SEMA3D: variants seen among roughly 807,000 people sequenced by gnomAD.
SEMA3D encodes semaphorin 3D, also known as semaphorin-3D.
In SEMA3D, 84 loss-of-function variants were observed where a neutral mutation model predicts 100.1. That is an observed-to-expected ratio of 0.84 (90% CI 0.70 to 1.01). SEMA3D has a LOEUF of 1.01. Among genes scored for constraint, SEMA3D ranks in the 50% least tolerant of loss-of-function variants. The pLI is 0.00. For missense variants in SEMA3D, 875 were observed against 934.1 expected, an observed-to-expected ratio of 0.94 and a Z score of 0.82; for synonymous variants, 312 against 320.7, an observed-to-expected ratio of 0.97 and a Z score of 0.29.
intron 4 of SEMA3D, among the ~76,000 whole-genome samples, chr7:85,089,201 T>G (rs1356011171): frequency 1.3e-5 from 2 of 152,126 alleles, no homozygotes; most frequent in African/African-American, 4.8e-5. Context: ...AAACTTGCAG[T>G]AAACATTTCT....
chr7:85,176,756 A>ATGTG lies in SEMA3D; in HGVS notation c.-173+9918_-173+9921dup, dbSNP rs576728141. Among the ~76,000 whole-genome samples the ATGTG allele has an allele frequency of 4.6e-3, 673 of 147,028 alleles. 5 individuals carry two copies. Among genetic ancestry groups the ATGTG allele is most frequent in the African/African-American group, 0.016 (647 of 39,318 alleles). On this transcript the variant is annotated intron_variant, in intron 1 of 18. Transcript: ENST00000284136. ...ATAATGTGTAAAGTAACATGTATAT[A>ATGTG]TGTGTGTGTGTGTGTATTTGTATAC...
chr7:85,111,612 A>C (rs1299068658), intron 3 of SEMA3D, among the ~76,000 whole-genome samples: 1 of 151,900 alleles, frequency 6.6e-6, no homozygotes, highest in Admixed American at 6.6e-5. Context: ...TTGGCTCCCT[A>C]TTTCTCGATC....
chr7:85,204,357 A>T, the SEMA3D span, among the ~76,000 whole-genome samples: 1 of 151,492 alleles, frequency 6.6e-6, no homozygotes, highest in Non-Finnish European at 1.5e-5. Flanking sequence ...TAAAAAAAAA[A>T]AAAAGCACCA....
At chr7:85,101,020 G>A (rs980607521) in intron 3 of SEMA3D, among the ~76,000 whole-genome samples, 2 of 151,930 alleles carry the variant, frequency 1.3e-5, no homozygotes, top group Admixed American at 1.3e-4. Flanking sequence ...AGACCCAATG[G>A]TGTAATATAT....
chr7:85,121,760 T>C lies in SEMA3D; in HGVS notation c.132A>G (p.Arg44=). 6.3e-7 allele frequency: 1 copy of C among 1,591,014 alleles called. No homozygotes were observed. The highest frequency in any genetic ancestry group is 8.6e-7 in the Non-Finnish European group (1 of 1,165,892). ...VTGTLKQNIP[R]LKLTYKDLLL... ...ATTTACCTTTGTAGGTTAGCTTGAG[T>C]CTTGGAATATTTTGCTTCAAAGTGC... Residue 44 remains arginine, a synonymous_variant, in exon 3 of 19, where the codon AGA becomes AGG. Coordinates refer to ENST00000284136, the MANE Select transcript of SEMA3D (RefSeq NM_001384900.1).
intron 9 of SEMA3D, among the ~76,000 whole-genome samples, chr7:85,053,539 A>G (rs981455443): frequency 1.3e-5 from 2 of 152,100 alleles, no homozygotes; most frequent in East Asian, 3.9e-4. Flanking sequence ...ATCTTGTCAT[A>G]TTTTAAATAA....
chr7:85,099,482 G>A (rs1311390826), intron 3 of SEMA3D, among the ~76,000 whole-genome samples: 1 of 151,808 alleles, frequency 6.6e-6, no homozygotes, highest in African/African-American at 2.4e-5. Flanking sequence ...CTAATCTCAG[G>A]TATGTCTTTA....
intron 2 of SEMA3D, chr7:85,141,617 T>C (rs1790054189): frequency 2.0e-6 from 2 of 984,388 alleles, no homozygotes; most frequent in African/African-American, 3.5e-5. Flanking sequence ...AAATCATTTC[T>C]GGCACATATT....
intron 1 of SEMA3D, among the ~76,000 whole-genome samples, chr7:85,184,112 T>C (rs1791475120): frequency 6.6e-6 from 1 of 152,212 alleles, no homozygotes; most frequent in African/African-American, 2.4e-5. Flanking sequence ...TTTGATGTGG[T>C]TCATTCTCAT....
At chr7:85,066,219 A>G (rs1791615106) in intron 7 of SEMA3D, among the ~76,000 whole-genome samples, 1 of 152,124 alleles carries the variant, frequency 6.6e-6, no homozygotes, top group Admixed American at 6.6e-5. Context: ...GAAAGGAGCA[A>G]AAGAGAGAAG....
chr7:85,193,538 A>C, the SEMA3D span, among the ~76,000 whole-genome samples: 4 of 152,164 alleles, frequency 2.6e-5, no homozygotes, highest in Non-Finnish European at 5.9e-5. Flanking sequence ...TCAGAGCCTA[A>C]GTAACATGGG....
chr7:85,080,636 A>G (rs1455135080), intron 5 of SEMA3D, among the ~76,000 whole-genome samples: 4 of 152,166 alleles, frequency 2.6e-5, no homozygotes, highest in African/African-American at 4.8e-5. Flanking sequence ...TATTTTGCCA[A>G]AAAAAGGAGC....
intron 2 of SEMA3D, among the ~76,000 whole-genome samples, chr7:85,122,231 A>C (rs1459810452): frequency 4.0e-5 from 4 of 100,212 alleles, no homozygotes; most frequent in Non-Finnish European, 8.0e-5. Flanking sequence ...AACTTAAAGT[A>C]CAAAAAAAAA....
At chr7:85,213,225 A>G in the SEMA3D span, among the ~76,000 whole-genome samples, 1 of 151,978 alleles carries the variant, frequency 6.6e-6, no homozygotes, top group Non-Finnish European at 1.5e-5. Context: ...TAGTGTGCTT[A>G]ATTGATAAGC....
intron 3 of SEMA3D, among the ~76,000 whole-genome samples, chr7:85,105,988 C>T (rs1788908036): frequency 6.6e-6 from 1 of 151,960 alleles, no homozygotes; most frequent in African/African-American, 2.4e-5. Context: ...TTTATATAAT[C>T]CATCATTGTG....
intron 8 of SEMA3D, among the ~76,000 whole-genome samples, chr7:85,064,267 G>A (rs1362009561): frequency 6.6e-6 from 1 of 152,112 alleles, no homozygotes; most frequent in Non-Finnish European, 1.5e-5. Context: ...TTCTATAGGT[G>A]ACATTTAAGA....
At chr7:85,031,951 A>G (rs887326059) in intron 12 of SEMA3D, among the ~76,000 whole-genome samples, 1 of 151,960 alleles carries the variant, frequency 6.6e-6, no homozygotes, top group Non-Finnish European at 1.5e-5. Flanking sequence ...TTTAGGTGGG[A>G]CATTCGGCAG....
At chr7:85,246,049 A>G in the SEMA3D span, among the ~76,000 whole-genome samples, 1 of 152,088 alleles carries the variant, frequency 6.6e-6, no homozygotes, top group South Asian at 2.1e-4. Flanking sequence ...ATGTTAATGA[A>G]TATATTTATT....
the SEMA3D span, among the ~76,000 whole-genome samples, chr7:85,228,057 GA>G: frequency 6.6e-6 from 1 of 152,118 alleles, no homozygotes; most frequent in East Asian, 1.9e-4. Flanking sequence ...CAAAGTATAT[GA>G]CATTGGCCAA....
Sources: allele counts gnomAD v4.1 joint callset (sites outside exome capture counted in the v4.1 genomes callset), GRCh38; gene constraint gnomAD v4.1.1; transcripts MANE v1.5; gene names NCBI Gene and HGNC (gene_info 2026-07-23, HGNC 2026-07-21).